The following ZYG11B variants were observed in gnomAD, a reference collection of about 807,000 sequenced individuals.
ZYG11B encodes zyg-11 family member B, cell cycle regulator, also known as protein zyg-11 homolog B.
Under a neutral mutation model 82.4 loss-of-function variants are expected in ZYG11B, and 36 were observed. The observed-to-expected ratio is 0.44, with a 90% CI of 0.33 to 0.58. ZYG11B has a LOEUF of 0.58. ZYG11B is among the 20% of genes least tolerant of loss of function. ZYG11B has a pLI of 0.02. For missense variants in ZYG11B, 552 were observed against 895.6 expected (o/e 0.62, Z 4.90); for synonymous variants, 303 against 312.8 (o/e 0.97, Z 0.33).
intron 10 of ZYG11B, chr1:52,805,331 G>T: frequency 2.9e-6 from 1 of 339,442 alleles, no homozygotes; most frequent in South Asian, 2.4e-5. Flanking sequence ...GGATTTTTAG[G>T]AAAGCTGAGG....
chr1:52,821,297 C>A, intron 13 of ZYG11B, 142 bp from the exon 14 acceptor site: 1 of 728,484 alleles, frequency 1.4e-6, no homozygotes, highest in Non-Finnish European at 2.2e-6. Context: ...GGTTATTTAT[C>A]AAGCTGTAGC....
rs377403477 is a variant in ZYG11B, at chr1:52,726,541, C to T, written c.-113C>T. The T allele has an allele frequency of 2.0e-4, 210 of 1,062,538 alleles. 2 individuals carry two copies. In the East Asian group the frequency reaches 6.0e-3, roughly 30 times the overall value. The allele number at this position is 1,062,538 out of a possible 1,614,324, so 65.8% of individuals were successfully genotyped here. A position where few individuals can be genotyped will look rare whatever the true frequency, so the allele number is the denominator to read the frequency against. ...CTAGCTTGAGGGAAAGAGGCCGAGG[C>T]CTGGGCCAAGCCCGGAGCCGCCGCT... On this transcript the variant is annotated 5_prime_UTR_variant, in exon 1 of 14. Coordinates refer to ENST00000294353, the MANE Select transcript of ZYG11B (RefSeq NM_024646.3).
chr1:52,762,431 A>G (rs1436903550), intron 2 of ZYG11B, among the ~76,000 whole-genome samples: 2 of 150,288 alleles, frequency 1.3e-5, no homozygotes, highest in East Asian at 3.9e-4. Context: ...CTGGTCTTGA[A>G]CTCTTGAACT....
chr1:52,783,997 T>TAGAGAGAGAG (rs60838674), intron 4 of ZYG11B, among the ~76,000 whole-genome samples: 5,270 of 142,386 alleles, frequency 0.037, 219 homozygotes, highest in East Asian at 0.16. Context: ...TATATATATA[T>TAGAGAGAGAG]AGAGAGAGAG....
intron 1 of ZYG11B, 82 bp downstream of exon 1, chr1:52,726,765 C>G (rs1380980793): frequency 8.9e-6 from 12 of 1,346,162 alleles, no homozygotes; most frequent in South Asian, 3.2e-5. Flanking sequence ...CGGTCTTGCC[C>G]CTCCCTGTCT....
intron 8 of ZYG11B, among the ~76,000 whole-genome samples, chr1:52,801,420 G>A (rs1645074951): frequency 6.6e-6 from 1 of 151,940 alleles, no homozygotes; most frequent in Non-Finnish European, 1.5e-5. Flanking sequence ...CTAAAAAATG[G>A]GAATAACAGT....
chr1:52,781,687 G>T (rs1355288454), intron 4 of ZYG11B, among the ~76,000 whole-genome samples: 2 of 152,034 alleles, frequency 1.3e-5, no homozygotes, highest in Non-Finnish European at 2.9e-5. Flanking sequence ...TCATTTAGTG[G>T]GCACAATTCC....
intron 2 of ZYG11B, among the ~76,000 whole-genome samples, chr1:52,759,726 T>C (rs1243864076): frequency 6.6e-6 from 1 of 152,244 alleles, no homozygotes; most frequent in African/African-American, 2.4e-5. Flanking sequence ...TGCCAGTTCT[T>C]GTCTCAATTT....
intron 2 of ZYG11B, among the ~76,000 whole-genome samples, chr1:52,762,018 A>G (rs963406787): frequency 1.3e-5 from 2 of 152,014 alleles, no homozygotes; most frequent in Non-Finnish European, 2.9e-5. Flanking sequence ...TGGATTGTTT[A>G]GTTTTCTGTT....
intron 2 of ZYG11B, among the ~76,000 whole-genome samples, chr1:52,757,049 T>A (rs543798404): frequency 9.9e-5 from 15 of 151,720 alleles, no homozygotes; most frequent in African/African-American, 3.4e-4. Context: ...TTTTTTTTTT[T>A]TAAATTTTTT....
chr1:52,811,437 T>A (rs979119268), intron 10 of ZYG11B, among the ~76,000 whole-genome samples: 2 of 152,168 alleles, frequency 1.3e-5, no homozygotes. Context: ...GTCTGATTTT[T>A]TCTTCTGTGC....
At chr1:52,799,909 T>C (rs538476601) in intron 8 of ZYG11B, among the ~76,000 whole-genome samples, 2 of 152,342 alleles carry the variant, frequency 1.3e-5, no homozygotes, top group South Asian at 4.1e-4. Flanking sequence ...TTTTCAGTTA[T>C]GTCTCTTACT....
chr1:52,745,470 A>ATTCATAC (rs1010924809), intron 1 of ZYG11B, among the ~76,000 whole-genome samples: 3 of 152,192 alleles, frequency 2.0e-5, no homozygotes, highest in African/African-American at 7.2e-5. Flanking sequence ...TAGTTCATTT[A>ATTCATAC]TTCATACTTA....
chr1:52,814,532 G>A (rs924405700), intron 12 of ZYG11B, among the ~76,000 whole-genome samples: 6 of 152,152 alleles, frequency 3.9e-5, no homozygotes, highest in Non-Finnish European at 5.9e-5. Flanking sequence ...ATAAAATACC[G>A]TTATGCCAAA....
At chr1:52,726,733 C>T in intron 1 of ZYG11B, 50 bp downstream of exon 1, 1 of 1,436,084 alleles carries the variant, frequency 7.0e-7, no homozygotes, top group Non-Finnish European at 9.1e-7. Flanking sequence ...ACCCTAGCCC[C>T]CGCCCGTCGC....
chr1:52,780,171 T>A (rs1159412704), intron 4 of ZYG11B, among the ~76,000 whole-genome samples, 178 bp downstream of exon 4: 2 of 152,206 alleles, frequency 1.3e-5, no homozygotes, highest in Non-Finnish European at 2.9e-5. Flanking sequence ...TACAATGTTA[T>A]TGAAGCTTCA....
At chr1:52,774,552 C>T (rs1338851767) in intron 3 of ZYG11B, among the ~76,000 whole-genome samples, 3 of 149,210 alleles carry the variant, frequency 2.0e-5, no homozygotes, top group Non-Finnish European at 4.4e-5. Context: ...GGTGATCTGC[C>T]TGCCTCGGCC....
rs534499796 is a variant in ZYG11B, at chr1:52,816,712, A to G, written c.2044+83A>G. The G allele has an allele frequency of 3.3e-5, 34 of 1,017,112 alleles. 1 individual carries two copies. The South Asian group carries it at 4.2e-4, about 13-fold the overall frequency. 63.0% of individuals were successfully genotyped at this position (1,017,112 alleles called of 1,614,324 possible). On this transcript the variant is annotated intron_variant, in intron 13 of 13. Transcript: ENST00000294353. Reference sequence around the variant, plus strand: ...CAGGAAAGATATTTCTAAATTGTGTATTAAAGTGATTTTTAAGAACACTGA... The same window carrying G: ...CAGGAAAGATATTTCTAAATTGTGTGTTAAAGTGATTTTTAAGAACACTGA...
At chr1:52,750,196 C>G (rs10788943) in intron 1 of ZYG11B, among the ~76,000 whole-genome samples, 74,400 of 151,674 alleles carry the variant, frequency 0.49, 18,680 homozygotes, top group East Asian at 0.62. Context: ...CTCCGGGGTT[C>G]AGGCGATTCT....
Sources: allele counts gnomAD v4.1 joint callset (sites outside exome capture counted in the v4.1 genomes callset), GRCh38; gene constraint gnomAD v4.1.1; transcripts MANE v1.5; gene names NCBI Gene and HGNC (gene_info 2026-07-23, HGNC 2026-07-21).